SHOC1: variants seen among roughly 807,000 people sequenced by gnomAD.
The protein encoded by SHOC1 is shortage in chiasmata 1.
In SHOC1, 136 loss-of-function variants were observed where a neutral mutation model predicts 179.2. That is an observed-to-expected ratio of 0.76 (90% CI 0.66 to 0.87). The LOEUF is 0.87. Ranked by LOEUF, SHOC1 falls within the 40% of genes least tolerant of loss-of-function variation. SHOC1 has a pLI of 0.00. For missense variants in SHOC1, 1,538 were observed against 1,700.8 expected, an observed-to-expected ratio of 0.90 and a Z score of 1.68; for synonymous variants, 489 against 586.6, an observed-to-expected ratio of 0.83 and a Z score of 2.41.
At chr9:111,784,893 C>T (rs1836207175) in intron 3 of SHOC1, among the ~76,000 whole-genome samples, 1 of 152,082 alleles carries the variant, frequency 6.6e-6, no homozygotes, top group Non-Finnish European at 1.5e-5. Flanking sequence ...GGACTCCATC[C>T]TCATGTTCTA....
chr9:111,692,573 C>T, intron 26 of SHOC1, 62 bp from the exon 27 acceptor site: 3 of 1,300,424 alleles, frequency 2.3e-6, no homozygotes, highest in Non-Finnish European at 3.1e-6. Context: ...TGATGCTTAT[C>T]TATATGGAAA....
Position 111,705,317 on chromosome 9 carries a change from T to G in SHOC1, c.2785A>C (p.Ile929Leu). Residue 929 changes from isoleucine (I) to leucine (L), a missense_variant, in exon 21 of 28, where the codon ATT (isoleucine) becomes CTT (leucine). Physicochemically the swap from Ile to Leu is conservative, Grantham distance 5. Transcript: ENST00000682961. ...RFGGFLLEIQIPYVFFASEGL... is the reference protein window; with the variant it reads ...RFGGFLLEIQLPYVFFASEGL... ...TCAGATGCAAAAAACACATATGGAATCTGAATTTCCAAAAGAAAACCTCCA... is the reference window on the plus strand; with the variant it reads ...TCAGATGCAAAAAACACATATGGAAGCTGAATTTCCAAAAGAAAACCTCCA... 4 of 1,592,780 alleles carry G rather than the reference T, an allele frequency of 2.5e-6. No homozygotes were observed. The highest frequency in any genetic ancestry group is 3.4e-6 in the Non-Finnish European group (4 of 1,169,948).
chr9:111,705,180 C>T (rs1436518013), intron 21 of SHOC1, 67 bp downstream of exon 21: 1 of 622,550 alleles, frequency 1.6e-6, no homozygotes, highest in Non-Finnish European at 2.7e-6. Flanking sequence ...TACACACACA[C>T]ACACACACAC....
chr9:111,693,180 A>G (rs975139264), intron 26 of SHOC1, among the ~76,000 whole-genome samples: 1 of 151,776 alleles, frequency 6.6e-6, no homozygotes, highest in Non-Finnish European at 1.5e-5. Context: ...GTGGTGCACA[A>G]CTGCAGTCCT....
chr9:111,786,847 T>C (rs930609807), intron 2 of SHOC1, among the ~76,000 whole-genome samples: 9 of 152,210 alleles, frequency 5.9e-5, no homozygotes. Flanking sequence ...AAGAAGTCAA[T>C]GTCTGTGTTC....
intron 14 of SHOC1, among the ~76,000 whole-genome samples, chr9:111,723,216 A>AT (rs1320204785): frequency 1.3e-5 from 2 of 152,024 alleles, no homozygotes; most frequent in Non-Finnish European, 2.9e-5. Context: ...ACAATGAAAA[A>AT]TTTTTTCCAG....
In SHOC1 at chr9:111,756,327, C is replaced by G; in HGVS notation, c.860G>C (p.Arg287Thr). 1 of 1,590,642 alleles carries G rather than the reference C, an allele frequency of 6.3e-7. No homozygotes were observed. Among genetic ancestry groups the G allele is most frequent in the Non-Finnish European group, 8.5e-7 (1 of 1,171,694 alleles). Reference protein sequence around the residue: ...YVDEKEKLFERDLTNKHGIED... With the variant: ...YVDEKEKLFETDLTNKHGIED... ...TACATTTTACAATTAATTCTCACCT[C>G]TTTCAAAAAGCTTTTCCTTTTCATC... Residue 287 changes from arginine to threonine, a missense_variant and splice_region_variant, in exon 8 of 28, where the codon AGA becomes ACA. Arg to Thr is a moderately conservative substitution (Grantham distance 71). Coordinates refer to ENST00000682961, the MANE Select transcript of SHOC1 (RefSeq NM_001378211.1).
In SHOC1 at chr9:111,791,358, G is replaced by A. The variant is rs1371321155; in HGVS notation, c.45+16C>T. ...ATAATTCTCAGTAAATAGACAGTAAGCCACTAACACTCTACCTCATATAAA... is the reference window on the plus strand; with the variant it reads ...ATAATTCTCAGTAAATAGACAGTAAACCACTAACACTCTACCTCATATAAA... On this transcript the variant is annotated intron_variant, in intron 2 of 27. Coordinates refer to ENST00000682961, the MANE Select transcript of SHOC1 (RefSeq NM_001378211.1). 2 of 1,403,032 alleles carry A rather than the reference G, an allele frequency of 1.4e-6. No homozygotes were observed. Among genetic ancestry groups the A allele is most frequent in the Non-Finnish European group, 1.9e-6 (2 of 1,056,622 alleles). The allele number at this position is 1,403,032 out of a possible 1,614,324, so 86.9% of individuals were successfully genotyped here. A position where few individuals can be genotyped will look rare whatever the true frequency, so the allele number is the denominator to read the frequency against.
chr9:111,766,595 T>G (rs1835369526), intron 5 of SHOC1, among the ~76,000 whole-genome samples: 1 of 151,990 alleles, frequency 6.6e-6, no homozygotes, highest in African/African-American at 2.4e-5. Context: ...GAAATTTCAT[T>G]GTGTTTTTTT....
intron 23 of SHOC1, among the ~76,000 whole-genome samples, chr9:111,700,663 C>T (rs183166775): frequency 6.6e-6 from 1 of 152,274 alleles, no homozygotes; most frequent in Admixed American, 6.5e-5. Flanking sequence ...GATAATGGCT[C>T]TCTTTATTTC....
At chr9:111,732,987 G>T (rs1055832455) in intron 12 of SHOC1, among the ~76,000 whole-genome samples, 15 of 152,128 alleles carry the variant, frequency 9.9e-5, no homozygotes, top group African/African-American at 3.4e-4. Flanking sequence ...GCATCCTGGG[G>T]ACAATGAAAT....
chr9:111,785,999 A>G lies in SHOC1; in HGVS notation c.82T>C (p.Leu28=). The part of the protein sequence containing the change: ...VRKKFYRDAL[L]LRIPSCLYQD... ...TATAAACATGAAGGGATTCGAAGCA[A>G]TAAAGCATCTCTGTAAAACTTCTTT... The change falls in exon 3 of 28, where the codon TTG becomes CTG. Residue 28 remains leucine, a synonymous_variant. Coordinates refer to ENST00000682961, the MANE Select transcript of SHOC1 (RefSeq NM_001378211.1). The G allele has an allele frequency of 6.6e-7, 1 of 1,519,574 alleles. No individual in the cohort carries two copies. Among genetic ancestry groups the G allele is most frequent in the Non-Finnish European group, 8.8e-7 (1 of 1,134,374 alleles). The allele number at this position is 1,519,574 out of a possible 1,614,324, so 94.1% of individuals were successfully genotyped here. A position where few individuals can be genotyped will look rare whatever the true frequency, so the allele number is the denominator to read the frequency against.
Position 111,703,995 on chromosome 9 carries a change from G to A in SHOC1, c.2856-3C>T, listed in dbSNP as rs1436185775. On this transcript the variant is annotated splice_region_variant and splice_polypyrimidine_tract_variant and intron_variant, in intron 21 of 27. Coordinates refer to ENST00000682961, the MANE Select transcript of SHOC1 (RefSeq NM_001378211.1). ...TCTCTACTAGTGAGATGTTATAGCT[G>A]TAAAATACAATATTCTTGAGTGAAA... is the stretch of plus-strand genomic sequence containing the variant. 6.8e-6 allele frequency: 10 copies of A among 1,469,642 alleles called. No homozygotes were observed. The highest frequency in any genetic ancestry group is 3.5e-4 in the Middle Eastern group (2 of 5,702). 91.0% of individuals were successfully genotyped at this position (1,469,642 alleles called of 1,614,324 possible).
At chr9:111,786,940 T>C (rs934147099) in intron 2 of SHOC1, among the ~76,000 whole-genome samples, 6 of 152,200 alleles carry the variant, frequency 3.9e-5, no homozygotes, top group Admixed American at 3.9e-4. Context: ...TCATTTACCA[T>C]TCTGAAAATC....
intron 10 of SHOC1, among the ~76,000 whole-genome samples, chr9:111,743,550 GA>G: frequency 6.6e-6 from 1 of 152,138 alleles, no homozygotes. Flanking sequence ...AGCTGTTGCA[GA>G]ATCACAGTGC....
rs760654802 is a variant in SHOC1, at chr9:111,692,027, AC to A, written c.3949del (p.Val1317CysfsTer8). ...ATTTATAAAACGGGGGACAACTGAC[AC>A]TCTCTTCTGAGTGTCAGTTGGTGAT... Reference protein sequence around the residue: ...IKSPTDTQKRVSVVPRFINSQ... With the variant: ...IKSPTDTQKRXSVVPRFINSQ... On this transcript the variant is annotated frameshift_variant, in exon 27 of 28. Coordinates refer to ENST00000682961, the MANE Select transcript of SHOC1 (RefSeq NM_001378211.1). LOFTEE classifies it high-confidence loss of function. 14 of 1,612,978 alleles carry A rather than the reference AC, an allele frequency of 8.7e-6. No individual in the cohort carries two copies. The highest frequency in any genetic ancestry group is 1.2e-5 in the Non-Finnish European group (14 of 1,179,618).
In SHOC1 at chr9:111,785,914, C is replaced by G. The variant is rs1224735807; in HGVS notation, c.167G>C (p.Arg56Thr). 6.8e-7 allele frequency: 1 copy of G among 1,466,200 alleles called. No individual in the cohort carries two copies. The highest frequency in any genetic ancestry group is 9.0e-7 in the Non-Finnish European group (1 of 1,111,828). The allele number at this position is 1,466,200 out of a possible 1,614,324, so 90.8% of individuals were successfully genotyped here. A position where few individuals can be genotyped will look rare whatever the true frequency, so the allele number is the denominator to read the frequency against. ...TTAAGAAATGAAAACAAACATACCT[C>G]TCGTCCATGGCCTCCTAAATTTATT... Reference protein sequence around the residue: ...TDNKFRRPWTRVSAVSVPGMT... With the variant: ...TDNKFRRPWTTVSAVSVPGMT... The change falls in exon 3 of 28, where the codon AGA becomes ACA. Residue 56 changes from arginine (R) to threonine (T), a missense_variant and splice_region_variant. Transcript: ENST00000682961.
chr9:111,694,043 TAATA>T, intron 25 of SHOC1, 95 bp from the exon 26 acceptor site: 1 of 1,099,922 alleles, frequency 9.1e-7, no homozygotes, highest in Non-Finnish European at 1.2e-6. Context: ...GAAAAGAGTT[TAATA>T]GTCAGTAGTC....
chr9:111,725,752 T>C (rs1010831873), intron 13 of SHOC1, among the ~76,000 whole-genome samples: 1 of 152,228 alleles, frequency 6.6e-6, no homozygotes, highest in African/African-American at 2.4e-5. Context: ...CTCATAACAT[T>C]AATGTTCTTT....
Sources: gnomAD v4.1 joint callset for allele counts (sites outside exome capture counted in the v4.1 genomes callset) on GRCh38, gnomAD v4.1.1 for gene constraint, MANE v1.5 for transcripts, NCBI Gene and HGNC (gene_info 2026-07-23, HGNC 2026-07-21) for gene names.